Variants in SLC4A10 observed in about 807,000 individuals in gnomAD.
SLC4A10 encodes the protein solute carrier family 4 member 10.
A neutral mutation model predicts 137.7 loss-of-function variants in SLC4A10; 42 were observed. That is an observed-to-expected ratio of 0.30 (90% confidence interval 0.24 to 0.39). The LOEUF is 0.39. Ranked by LOEUF, SLC4A10 falls within the 10% of genes least tolerant of loss-of-function variation. SLC4A10 has a pLI of 1.00. For missense variants in SLC4A10, 925 were observed against 1,355.0 expected (o/e 0.68, Z 4.98); for synonymous variants, 474 against 464.1 (o/e 1.02, Z -0.27).
At chr2:161,767,694 C>A (rs2051065821) in intron 1 of SLC4A10, among the ~76,000 whole-genome samples, 1 of 151,906 alleles carries the variant, frequency 6.6e-6, no homozygotes, top group Non-Finnish European at 1.5e-5. Flanking sequence ...TGATTATCCA[C>A]AAAAAGGCCC....
At chr2:161,661,566 A>G (rs1448336308) in intron 1 of SLC4A10, among the ~76,000 whole-genome samples, 1 of 152,272 alleles carries the variant, frequency 6.6e-6, no homozygotes, top group Non-Finnish European at 1.5e-5. Context: ...AGAAATCTTC[A>G]GGATAGTCTA....
chr2:161,886,942 G>T (rs926268359), intron 10 of SLC4A10, among the ~76,000 whole-genome samples: 2 of 151,744 alleles, frequency 1.3e-5, no homozygotes, highest in Non-Finnish European at 2.9e-5. Flanking sequence ...CTCTCCCCTA[G>T]TCCCCCACCC....
chr2:161,832,467 G>A (rs1435526808), intron 3 of SLC4A10, among the ~76,000 whole-genome samples: 1 of 152,118 alleles, frequency 6.6e-6, no homozygotes, highest in Non-Finnish European at 1.5e-5. Flanking sequence ...CATTGGTATT[G>A]GTAGCAAACT....
intron 1 of SLC4A10, among the ~76,000 whole-genome samples, chr2:161,729,257 A>T (rs2046571273): frequency 6.6e-6 from 1 of 152,194 alleles, no homozygotes; most frequent in African/African-American, 2.4e-5. Flanking sequence ...AAAACCATTT[A>T]TATCCACAAA....
At chr2:161,683,278 A>C (rs984614757) in intron 1 of SLC4A10, among the ~76,000 whole-genome samples, 7 of 152,228 alleles carry the variant, frequency 4.6e-5, no homozygotes, top group African/African-American at 1.4e-4. Context: ...TTAGTTTACT[A>C]GCCCTTAGCA....
intron 2 of SLC4A10, among the ~76,000 whole-genome samples, chr2:161,793,025 A>G (rs1295638434): frequency 1.3e-5 from 2 of 152,146 alleles, no homozygotes; most frequent in Non-Finnish European, 2.9e-5. Context: ...TACCAGAATC[A>G]TTGCAACCCT....
intron 21 of SLC4A10, 125 bp downstream of exon 21, chr2:161,958,680 C>T: frequency 1.7e-6 from 1 of 595,858 alleles, no homozygotes; most frequent in Non-Finnish European, 2.8e-6. Flanking sequence ...AATTAAATTT[C>T]TTCAAACTTG....
chr2:161,875,071 G>A (rs1453576120), intron 8 of SLC4A10, among the ~76,000 whole-genome samples: 1 of 152,128 alleles, frequency 6.6e-6, no homozygotes, highest in East Asian at 1.9e-4. Context: ...TTTGTTGAAT[G>A]AATCCTTCAA....
At chr2:161,688,285 G>A (rs2041642653) in intron 1 of SLC4A10, among the ~76,000 whole-genome samples, 1 of 152,104 alleles carries the variant, frequency 6.6e-6, no homozygotes, top group Non-Finnish European at 1.5e-5. Context: ...AATTGAGACA[G>A]GATCATTTGA....
intron 26 of SLC4A10, among the ~76,000 whole-genome samples, chr2:161,978,842 T>C (rs551445593): frequency 6.6e-6 from 1 of 152,338 alleles, no homozygotes; most frequent in African/African-American, 2.4e-5. Context: ...AAAACTTTCA[T>C]GTATTTCTTT....
intron 1 of SLC4A10, among the ~76,000 whole-genome samples, chr2:161,723,209 C>G (rs887713774): frequency 2.0e-5 from 3 of 152,140 alleles, no homozygotes; most frequent in African/African-American, 7.2e-5. Context: ...TCCTGATCTT[C>G]AGGTTTCACA....
At position 161,956,766 on chromosome 2, in the gene SLC4A10, A is replaced by G. The variant is rs527726198; in HGVS notation, c.2542-223A>G. On this transcript the variant is annotated intron_variant, in intron 19 of 26. Transcript: ENST00000446997. ...TATATTAAGGAGAAAATGACTATAC[A>G]GGGGAGCTTAGGCTCCATGATATTA... 1.2e-3 allele frequency among the ~76,000 whole-genome samples: 188 copies of G among 152,322 alleles called. 1 individual carries two copies. Among genetic ancestry groups the G allele is most frequent in the Non-Finnish European group, 6.6e-4 (45 of 68,028 alleles).
At chr2:161,864,773 A>G (rs1170056186) in intron 6 of SLC4A10, among the ~76,000 whole-genome samples, 1 of 152,136 alleles carries the variant, frequency 6.6e-6, no homozygotes, top group Admixed American at 6.5e-5. Flanking sequence ...AATTTGCTTT[A>G]AAATATGTGA....
chr2:161,856,462 A>T (rs1045267292), intron 5 of SLC4A10, among the ~76,000 whole-genome samples: 1 of 151,980 alleles, frequency 6.6e-6, no homozygotes, highest in Non-Finnish European at 1.5e-5. Flanking sequence ...CTATAAAGAG[A>T]TTATTCTTTA....
intron 15 of SLC4A10, among the ~76,000 whole-genome samples, chr2:161,920,562 G>T (rs1687951160): frequency 6.6e-6 from 1 of 152,142 alleles, no homozygotes; most frequent in South Asian, 2.1e-4. Context: ...TGCATATTTT[G>T]AATTGTTCAA....
At chr2:161,815,218 C>A (rs2056927645) in intron 3 of SLC4A10, among the ~76,000 whole-genome samples, 1 of 152,152 alleles carries the variant, frequency 6.6e-6, no homozygotes, top group South Asian at 2.1e-4. Flanking sequence ...CATTTATAAT[C>A]CCCATGTGTT....
intron 15 of SLC4A10, among the ~76,000 whole-genome samples, chr2:161,916,482 C>T (rs1687142276): frequency 6.6e-6 from 1 of 152,208 alleles, no homozygotes; most frequent in Admixed American, 6.5e-5. Context: ...AGACTGTTCT[C>T]TATGAAGCAG....
At chr2:161,895,571 C>A (rs974634630) in intron 11 of SLC4A10, among the ~76,000 whole-genome samples, 1 of 152,074 alleles carries the variant, frequency 6.6e-6, no homozygotes, top group East Asian at 1.9e-4. Context: ...CTCTCCAGCA[C>A]CTGTTGTTTC....
chr2:161,771,780 A>G (rs987598912), intron 2 of SLC4A10, among the ~76,000 whole-genome samples: 1 of 151,946 alleles, frequency 6.6e-6, no homozygotes, highest in African/African-American at 2.4e-5. Flanking sequence ...TTTAGTGTAC[A>G]TACAGGATTA....
Sources: allele counts gnomAD v4.1 joint callset (sites outside exome capture counted in the v4.1 genomes callset), GRCh38; gene constraint gnomAD v4.1.1; transcripts MANE v1.5; gene names NCBI Gene and HGNC (gene_info 2026-07-23, HGNC 2026-07-21).